Variants in DAB1 observed in about 807,000 individuals in gnomAD.
The protein encoded by DAB1 is disabled homolog 1.
In DAB1, 15 loss-of-function variants were observed where a neutral mutation model predicts 64.6. The ratio of observed to expected loss-of-function variants is 0.23; its 90% confidence interval spans 0.16 to 0.36. The LOEUF (loss-of-function observed/expected upper bound fraction) is 0.36, where lower values mean the gene tolerates loss of function less well. Ranked by LOEUF, DAB1 falls within the 10% of genes least tolerant of loss-of-function variation. The pLI, the probability that DAB1 is intolerant of heterozygous loss-of-function variation, is 1.00. For missense variants in DAB1, 596 were observed against 706.7 expected (o/e 0.84, Z 1.78); for synonymous variants, 235 against 251.9 (o/e 0.93, Z 0.64).
intron 6 of DAB1, among the ~76,000 whole-genome samples, chr1:57,695,326 AAG>A: frequency 8.5e-6 from 1 of 117,882 alleles, no homozygotes; most frequent in African/African-American, 3.2e-5. Context: ...GAAAGAAAGA[AAG>A]AAAGAAAGAA....
At chr1:58,454,030 C>G (rs532105200) in intron 3 of DAB1, among the ~76,000 whole-genome samples, 33 of 152,260 alleles carry the variant, frequency 2.2e-4, no homozygotes, top group Admixed American at 9.2e-4. Flanking sequence ...TACACACTAG[C>G]AGCAGTCTCT....
chr1:58,083,573 C>T (rs1340106204), intron 5 of DAB1, among the ~76,000 whole-genome samples: 3 of 152,192 alleles, frequency 2.0e-5, no homozygotes, highest in Non-Finnish European at 4.4e-5. Context: ...GTTCTTACAG[C>T]GAAATCAACC....
At chr1:57,518,611 C>T (rs1287524411) in intron 7 of DAB1, among the ~76,000 whole-genome samples, 1 of 152,162 alleles carries the variant, frequency 6.6e-6, no homozygotes, top group Non-Finnish European at 1.5e-5. Context: ...GCTTGTCCCC[C>T]TGCTTCTGCC....
At chr1:57,025,679 G>C (rs72903345) in intron 10 of DAB1, among the ~76,000 whole-genome samples, 1 of 152,118 alleles carries the variant, frequency 6.6e-6, no homozygotes, top group South Asian at 2.1e-4. Flanking sequence ...CATCTCCTTC[G>C]GGCCTTTCTT....
chr1:57,701,649 A>T (rs1300774099), intron 6 of DAB1, among the ~76,000 whole-genome samples: 40 of 152,014 alleles, frequency 2.6e-4, no homozygotes, highest in Non-Finnish European at 4.9e-4. Context: ...CATATGTAAC[A>T]AACCTGCATG....
At chr1:57,692,659 T>G (rs921666539) in intron 6 of DAB1, among the ~76,000 whole-genome samples, 1 of 152,182 alleles carries the variant, frequency 6.6e-6, no homozygotes, top group Non-Finnish European at 1.5e-5. Context: ...TGTTGAACTT[T>G]CAACCTATAT....
At chr1:58,505,975 T>C in intron 3 of DAB1, 1 of 734,686 alleles carries the variant, frequency 1.4e-6, no homozygotes, top group Admixed American at 2.0e-5. Context: ...GCTAGAACTC[T>C]CTTTTACTAA....
At chr1:57,351,634 GT>G (rs1232217485) in intron 1 of DAB1, among the ~76,000 whole-genome samples, 3 of 152,174 alleles carry the variant, frequency 2.0e-5, no homozygotes, top group South Asian at 2.1e-4. Flanking sequence ...TACACATAGG[GT>G]TGTGTGTGTG....
chr1:58,483,213 G>A (rs1439639269), intron 3 of DAB1, among the ~76,000 whole-genome samples: 2 of 152,168 alleles, frequency 1.3e-5, no homozygotes, highest in Admixed American at 6.5e-5. Context: ...GGCCTTGTGT[G>A]AATGTGTTCA....
intron 7 of DAB1, among the ~76,000 whole-genome samples, chr1:57,568,500 C>T (rs6665104): frequency 0.95 from 144,605 of 152,260 alleles, 69,085 homozygotes; most frequent in East Asian, 1. Context: ...ACCTACAGAA[C>T]GGGAGAAAAT....
intron 1 of DAB1, among the ~76,000 whole-genome samples, chr1:57,377,874 G>A (rs1047803885): frequency 6.6e-6 from 1 of 152,160 alleles, no homozygotes; most frequent in African/African-American, 2.4e-5. Flanking sequence ...GGGACAGGAG[G>A]AAGGAGCAGT....
chr1:57,837,861 A>G (rs1652880973), intron 1 of DAB1, among the ~76,000 whole-genome samples: 1 of 115,522 alleles, frequency 8.7e-6, no homozygotes, highest in Non-Finnish European at 1.7e-5. Context: ...CATCTCCACC[A>G]TTTCCGCTCC....
At position 57,583,192 on chromosome 1, in the gene DAB1, A is replaced by C. The variant is rs1457773340; in HGVS notation, n.625+66400T>G. Among the ~76,000 whole-genome samples the C allele has an allele frequency of 2.6e-5, 4 of 152,162 alleles. No homozygotes were observed. The East Asian group carries it at 7.7e-4, about 29-fold the overall frequency. On this transcript the variant is annotated intron_variant and non_coding_transcript_variant, in intron 7 of 20. Transcript: ENST00000485760. ...ACTTTTATCCAGGTCATTTGTTACC[A>C]GGAGCCAAAAGCATCCTAAAGCATA...
At chr1:58,499,314 C>CA (rs58217798) in intron 3 of DAB1, among the ~76,000 whole-genome samples, 5,880 of 69,438 alleles carry the variant, frequency 0.085, 147 homozygotes, top group East Asian at 0.14. Context: ...CACATCTCTA[C>CA]AAAAAAAAAA....
intron 1 of DAB1, chr1:58,534,015 C>T (rs546583655): frequency 1.3e-5 from 11 of 871,334 alleles, no homozygotes; most frequent in Admixed American, 5.1e-5. Context: ...TGATGAATAT[C>T]GGTTACACTA....
chr1:58,336,325 CAAAA>C lies in DAB1; in HGVS notation n.309+7023_309+7026del, dbSNP rs1467250327. On this transcript the variant is annotated intron_variant and non_coding_transcript_variant, in intron 4 of 20. Coordinates refer to the DAB1 transcript ENST00000485760. The stretch of plus-strand genomic sequence containing the variant: ...TTGAAGGTTTTCTGGGTTCTGATCT[CAAAA>C]GAAAGAATTCTATGCTTTGCTGGCA... 4.6e-5 allele frequency among the ~76,000 whole-genome samples: 7 copies of C among 152,284 alleles called. No individual in the cohort carries two copies. The East Asian group carries it at 1.2e-3, about 25-fold the overall frequency.
intron 5 of DAB1, among the ~76,000 whole-genome samples, chr1:57,942,672 T>C (rs1269998908): frequency 1.3e-5 from 2 of 152,118 alleles, no homozygotes; most frequent in African/African-American, 4.8e-5. Context: ...GTGGTAGTGA[T>C]GAGACAATCT....
intron 3 of DAB1, among the ~76,000 whole-genome samples, chr1:58,374,854 C>A (rs1049196661): frequency 7.4e-6 from 1 of 135,824 alleles, no homozygotes; most frequent in East Asian, 2.0e-4. Context: ...CTTTTATTTC[C>A]TTGAGCAGTG....
intron 1 of DAB1, among the ~76,000 whole-genome samples, chr1:57,337,924 CCTT>C (rs1266459156): frequency 1.4e-5 from 2 of 144,772 alleles, no homozygotes; most frequent in East Asian, 2.2e-4. Context: ...CTTGCTTCCT[CCTT>C]TTTTCTCTCT....
Sources: gnomAD v4.1 joint callset for allele counts (sites outside exome capture counted in the v4.1 genomes callset) on GRCh38, gnomAD v4.1.1 for gene constraint, MANE v1.5 for transcripts, NCBI Gene and HGNC (gene_info 2026-07-23, HGNC 2026-07-21) for gene names.